The following CUBN variants were observed in gnomAD, a reference collection of about 807,000 sequenced individuals.
CUBN encodes the protein 460 kDa receptor.
CUBN carries 282 observed loss-of-function variants against 405.3 expected under a neutral mutation model. The observed-to-expected ratio is 0.70, with a 90% confidence interval of 0.63 to 0.77. The LOEUF (loss-of-function observed/expected upper bound fraction) is 0.77. Ranked by LOEUF, CUBN falls within the 30% of genes least tolerant of loss-of-function variation. The probability of loss-of-function intolerance (pLI) is 0.00; values close to 1 mark genes in which losing one functional copy is unlikely to be tolerated. For missense variants in CUBN, 4,514 were observed against 4,475.2 expected (o/e 1.01, Z -0.25); for synonymous variants, 1,684 against 1,617.0 (o/e 1.04, Z -0.99).
Position 17,041,167 on chromosome 10 carries a change from C to T in CUBN, c.3883G>A (p.Gly1295Arg). The T allele has an allele frequency of 6.2e-7, 1 of 1,613,776 alleles. No individual in the cohort carries two copies. Among genetic ancestry groups the T allele is most frequent in the Non-Finnish European group, 8.5e-7 (1 of 1,179,760 alleles). ...TTTTCAGAATAAGGATTCGGATACC[C>T]TATACTCTCTAAGATGCCATAGGTT... Reference protein sequence around the residue: ...NQTYGILESIGYPNPYSENQH... With the variant: ...NQTYGILESIRYPNPYSENQH... Residue 1295 changes from glycine (G) to arginine (R), a missense_variant, in exon 27 of 67, where the codon GGG (glycine) becomes AGG (arginine). This residue lies in a region of CUBN where 242 missense variants were observed against 309.0 expected (regional missense o/e 0.78). Coordinates refer to ENST00000377833, the MANE Select transcript of CUBN (RefSeq NM_001081.4).
intron 30 of CUBN, among the ~76,000 whole-genome samples, chr10:16,983,053 A>C (rs1310994101): frequency 6.6e-6 from 1 of 152,212 alleles, no homozygotes; most frequent in Non-Finnish European, 1.5e-5. Flanking sequence ...AAATAATTTA[A>C]TATCTACCCT....
intron 54 of CUBN, among the ~76,000 whole-genome samples, chr10:16,891,412 GGAAA>G (rs1221378202): frequency 6.6e-6 from 1 of 152,090 alleles, no homozygotes; most frequent in Non-Finnish European, 1.5e-5. Flanking sequence ...CCCGATGGCA[GGAAA>G]GGCCGTGGCT....
chr10:17,101,476 G>A (rs1200958690), intron 13 of CUBN, among the ~76,000 whole-genome samples: 3 of 148,618 alleles, frequency 2.0e-5, no homozygotes, highest in Non-Finnish European at 3.0e-5. Flanking sequence ...TTACCAGGTC[G>A]CAAATAGTCC....
rs548010968 is a variant in CUBN, at chr10:16,884,105, G to T, written c.8905+4312C>A. 2.0e-5 allele frequency among the ~76,000 whole-genome samples: 3 copies of T among 152,178 alleles called. No individual in the cohort carries two copies. The East Asian group carries it at 5.8e-4, about 29-fold the overall frequency. ...CGCCATTCTCCTGCTTCAGCTTCCC[G>T]AGTAGCTGGGACTACAGGGGCCCGC... On this transcript the variant is annotated intron_variant, in intron 56 of 66. Coordinates refer to ENST00000377833, the MANE Select transcript of CUBN (RefSeq NM_001081.4).
At chr10:17,047,319 G>T (rs1835159095) in intron 23 of CUBN, 95 bp downstream of exon 23, 2 of 1,036,592 alleles carry the variant, frequency 1.9e-6, no homozygotes, top group African/African-American at 1.7e-5. Flanking sequence ...GCTTTGCAGA[G>T]AATTTCCATA....
Position 17,084,596 on chromosome 10 carries a change from G to A in CUBN, c.2111-135C>T, listed in dbSNP as rs955416824. On this transcript the variant is annotated intron_variant, in intron 16 of 66. Transcript: ENST00000377833. ...TATCCATTTTATTCACCCTCTATAGGCTTGTGCCTCTAATTTTAAGATTTT... is the reference window on the plus strand; with the variant it reads ...TATCCATTTTATTCACCCTCTATAGACTTGTGCCTCTAATTTTAAGATTTT... The A allele has an allele frequency of 3.9e-6, 3 of 767,914 alleles. No homozygotes were observed. The South Asian group carries it at 4.4e-5, about 11-fold the overall frequency. 47.6% of individuals were successfully genotyped at this position (767,914 alleles called of 1,614,324 possible). A position where few individuals can be genotyped will look rare whatever the true frequency, so the allele number is the denominator to read the frequency against.
intron 55 of CUBN, among the ~76,000 whole-genome samples, chr10:16,890,070 C>A (rs1158074985): frequency 6.6e-6 from 1 of 152,154 alleles, no homozygotes; most frequent in South Asian, 2.1e-4. Flanking sequence ...CACAGGCCAG[C>A]CACACTGGTT....
At chr10:16,858,087 G>A (rs974597885) in intron 59 of CUBN, among the ~76,000 whole-genome samples, 1 of 152,022 alleles carries the variant, frequency 6.6e-6, no homozygotes, top group South Asian at 2.1e-4. Flanking sequence ...AAATATTTAG[G>A]TATATACTTA....
At chr10:16,992,639 A>T (rs1833626753) in intron 28 of CUBN, among the ~76,000 whole-genome samples, 2 of 152,188 alleles carry the variant, frequency 1.3e-5, no homozygotes, top group Admixed American at 1.3e-4. Flanking sequence ...GAGAATTCTA[A>T]GAATCTTGAT....
intron 28 of CUBN, among the ~76,000 whole-genome samples, chr10:17,007,851 C>T (rs2131752807): frequency 6.6e-6 from 1 of 152,272 alleles, no homozygotes; most frequent in South Asian, 2.1e-4. Context: ...CACACACTCA[C>T]ACAAATGCAT....
intron 51 of CUBN, among the ~76,000 whole-genome samples, chr10:16,902,836 T>G (rs1841434095): frequency 6.6e-6 from 1 of 152,080 alleles, no homozygotes; most frequent in Non-Finnish European, 1.5e-5. Context: ...TCTGAGGTTT[T>G]GATGACTGGG....
At chr10:16,965,903 C>G in intron 31 of CUBN, 1 of 459,080 alleles carries the variant, frequency 2.2e-6, no homozygotes, top group Non-Finnish European at 4.5e-6. Context: ...CATGACTTGC[C>G]CAATCACACG....
At chr10:16,884,840 A>G (rs1217631363) in intron 56 of CUBN, among the ~76,000 whole-genome samples, 1 of 152,138 alleles carries the variant, frequency 6.6e-6, no homozygotes, top group East Asian at 1.9e-4. Flanking sequence ...TTTTGTGCTA[A>G]TGGTCCACCA....
At chr10:16,991,675 T>C (rs1200363952) in intron 28 of CUBN, among the ~76,000 whole-genome samples, 4 of 150,898 alleles carry the variant, frequency 2.7e-5, no homozygotes, top group Non-Finnish European at 4.4e-5. Context: ...GGTAAATTCT[T>C]CCAATTACCT....
intron 32 of CUBN, among the ~76,000 whole-genome samples, chr10:16,953,387 T>A (rs1420062212): frequency 6.6e-6 from 1 of 152,158 alleles, no homozygotes; most frequent in African/African-American, 2.4e-5. Context: ...CCAGGCACTG[T>A]CCCCATCCAG....
At chr10:16,883,261 A>G in intron 56 of CUBN, among the ~76,000 whole-genome samples, 1 of 152,200 alleles carries the variant, frequency 6.6e-6, no homozygotes, top group East Asian at 1.9e-4. Flanking sequence ...GTACTAGTAT[A>G]CAGCTAAGTT....
At chr10:16,939,255 CTG>C (rs1215746830) in intron 37 of CUBN, 108 bp from the exon 38 acceptor site, 2 of 875,774 alleles carry the variant, frequency 2.3e-6, no homozygotes, top group Non-Finnish European at 3.8e-6. Flanking sequence ...TTTTAATTGA[CTG>C]TGATTTCTTT....
At chr10:16,887,980 A>G (rs748789059) in intron 56 of CUBN, among the ~76,000 whole-genome samples, 5 of 152,252 alleles carry the variant, frequency 3.3e-5, no homozygotes, top group South Asian at 2.1e-4. Context: ...ACACACAGAA[A>G]GGCAAACATT....
intron 51 of CUBN, among the ~76,000 whole-genome samples, chr10:16,901,916 TATAC>T (rs1324643997): frequency 1.9e-3 from 213 of 110,322 alleles, no homozygotes; most frequent in Admixed American, 2.7e-3. Flanking sequence ...TATATATATA[TATAC>T]ACACACACAC....
Sources: allele counts gnomAD v4.1 joint callset (sites outside exome capture counted in the v4.1 genomes callset), GRCh38; gene constraint gnomAD v4.1.1; regional missense constraint gnomAD v4.1.1; transcripts MANE v1.5; gene names NCBI Gene and HGNC (gene_info 2026-07-23, HGNC 2026-07-21).